Variants in SLC1A1 observed in about 807,000 individuals in gnomAD.
SLC1A1 encodes the protein solute carrier family 1 member 1.
SLC1A1 carries 43 observed loss-of-function variants against 53.3 expected under a neutral mutation model. The observed-to-expected ratio is 0.81, with a 90% CI of 0.63 to 1.04. The LOEUF (loss-of-function observed/expected upper bound fraction) is 1.04. SLC1A1 is among the 50% of genes least tolerant of loss of function. The pLI is 0.00. For synonymous variants in SLC1A1, 307 were observed against 243.2 expected, an observed-to-expected ratio of 1.26 and a Z score of -2.44; for missense variants, 748 against 664.9, an observed-to-expected ratio of 1.12 and a Z score of -1.37.
intron 6 of SLC1A1, among the ~76,000 whole-genome samples, chr9:4,569,441 GT>G (rs1819815337): frequency 6.6e-6 from 1 of 152,158 alleles, no homozygotes; most frequent in Non-Finnish European, 1.5e-5. Flanking sequence ...TGCCAAAAGA[GT>G]TTGCTATAAA....
At chr9:4,505,071 C>G (rs1288158572) in intron 1 of SLC1A1, among the ~76,000 whole-genome samples, 1,006 of 91,756 alleles carry the variant, frequency 0.011, 15 homozygotes, top group African/African-American at 0.036. Context: ...TTTTGAGATA[C>G]AGCCTCACTA....
intron 10 of SLC1A1, 97 bp from the exon 11 acceptor site, chr9:4,582,941 A>G (rs1465027478): frequency 6.8e-7 from 1 of 1,474,418 alleles, no homozygotes; most frequent in African/African-American, 1.4e-5. Context: ...CACAGCAGTA[A>G]TAGCCATCGG....
At chr9:4,492,445 G>A (rs1442055385) in intron 1 of SLC1A1, among the ~76,000 whole-genome samples, 3 of 144,898 alleles carry the variant, frequency 2.1e-5, no homozygotes, top group Non-Finnish European at 3.0e-5. Flanking sequence ...TTGTGCCACT[G>A]CACTCCCGCC....
intron 2 of SLC1A1, among the ~76,000 whole-genome samples, chr9:4,544,988 A>G (rs1383959201): frequency 2.0e-5 from 3 of 152,214 alleles, no homozygotes; most frequent in African/African-American, 7.2e-5. Flanking sequence ...TCACGAGAAC[A>G]GCATGGGAGA....
At chr9:4,499,265 G>A (rs1388897250) in intron 1 of SLC1A1, among the ~76,000 whole-genome samples, 4 of 151,680 alleles carry the variant, frequency 2.6e-5, no homozygotes, top group Non-Finnish European at 4.4e-5. Context: ...GGCTGGTCTC[G>A]AACTCCTGAC....
intron 1 of SLC1A1, among the ~76,000 whole-genome samples, chr9:4,507,879 A>G (rs1820856740): frequency 6.6e-6 from 1 of 152,104 alleles, no homozygotes; most frequent in African/African-American, 2.4e-5. Flanking sequence ...ACACAGGGAG[A>G]TGGCTTCCTA....
intron 1 of SLC1A1, among the ~76,000 whole-genome samples, chr9:4,519,570 T>TCAA (rs1815993718): frequency 2.0e-5 from 3 of 152,342 alleles, no homozygotes; most frequent in Admixed American, 6.5e-5. Context: ...TTGTTATTAT[T>TCAA]CAATCATAAA....
intron 8 of SLC1A1, 73 bp downstream of exon 8, chr9:4,574,087 C>T: frequency 9.7e-7 from 1 of 1,032,366 alleles, no homozygotes. Context: ...GGTTGGGTTT[C>T]AGTTGGTTAA....
chr9:4,510,773 G>A (rs1266728247), intron 1 of SLC1A1, among the ~76,000 whole-genome samples: 1 of 152,198 alleles, frequency 6.6e-6, no homozygotes, highest in Non-Finnish European at 1.5e-5. Flanking sequence ...CTGAGTCAGA[G>A]CTCCATTCCT....
intron 1 of SLC1A1, among the ~76,000 whole-genome samples, chr9:4,520,120 G>C (rs550466795): frequency 6.6e-6 from 1 of 152,206 alleles, no homozygotes; most frequent in Non-Finnish European, 1.5e-5. Flanking sequence ...TCTTTAAATT[G>C]ATCATCATCT....
In SLC1A1 at chr9:4,549,215, C is replaced by T. The variant is rs1452718292; in HGVS notation, c.232+4508C>T. Among the ~76,000 whole-genome samples the T allele has an allele frequency of 6.6e-6, 1 of 152,162 alleles. No homozygotes were observed. The highest frequency in any genetic ancestry group is 1.5e-5 in the Non-Finnish European group (1 of 68,028). On this transcript the variant is annotated intron_variant, in intron 2 of 11. Coordinates refer to ENST00000262352, the MANE Select transcript of SLC1A1 (RefSeq NM_004170.6). This position sits in a 1 kb window ranked among gnomAD's most constrained non-coding sequence, Gnocchi z 4.1. ...CATAACTTTGCTCAGGAAGAGGTTG[C>T]AGCTCTTCCACTTTAGCCTCTGCCA...
intron 1 of SLC1A1, among the ~76,000 whole-genome samples, chr9:4,491,053 G>T (rs1464051886): frequency 2.0e-5 from 3 of 152,244 alleles, no homozygotes; most frequent in Non-Finnish European, 2.9e-5. Flanking sequence ...AGAAAGGGAA[G>T]CAAGTAGCTC....
At position 4,529,458 on chromosome 9, in the gene SLC1A1, T is replaced by C. The variant is rs1816386345; in HGVS notation, c.92-15109T>C. Reference sequence around the variant, plus strand: ...CTACTCTTTTGATGAAACTGTACTGTCTTCCATCCTTAAGGGCAGGGGACA... The same window carrying C: ...CTACTCTTTTGATGAAACTGTACTGCCTTCCATCCTTAAGGGCAGGGGACA... On this transcript the variant is annotated intron_variant, in intron 1 of 11. Coordinates refer to ENST00000262352, the MANE Select transcript of SLC1A1 (RefSeq NM_004170.6). Among the ~76,000 whole-genome samples, 4 of 152,212 alleles carry C rather than the reference T, an allele frequency of 2.6e-5. 1 individual carries two copies. The highest frequency in any genetic ancestry group is 2.6e-4 in the Admixed American group (4 of 15,282).
chr9:4,545,440 G>C (rs1181762609), intron 2 of SLC1A1, among the ~76,000 whole-genome samples: 1 of 152,182 alleles, frequency 6.6e-6, no homozygotes, highest in Non-Finnish European at 1.5e-5. Context: ...TTTGGTCACT[G>C]AAATGTCAGC....
chr9:4,583,882 T>TCTCTCTCTCTCTCTCTCACA lies in SLC1A1; in HGVS notation c.1328+711_1328+712insTCTCTCTCTCTCTCTCACAC, dbSNP rs1423949414. Among the ~76,000 whole-genome samples the TCTCTCTCTCTCTCTCTCACA allele has an allele frequency of 7.3e-6, 1 of 136,966 alleles. No homozygotes were observed. The highest frequency in any genetic ancestry group is 2.8e-5 in the African/African-American group (1 of 35,264). The allele number at this position is 136,966 out of a possible 152,430, so 89.9% of individuals were successfully genotyped here. On this transcript the variant is annotated intron_variant, in intron 11 of 11. Coordinates refer to ENST00000262352, the MANE Select transcript of SLC1A1 (RefSeq NM_004170.6). This position sits in a 1 kb window ranked among gnomAD's most constrained non-coding sequence, Gnocchi z 4.6. ...CTCTCTCTCTCTCTCTCTCTCTCTC[T>TCTCTCTCTCTCTCTCTCACA]CACACACACACACACACACACACAC...
rs185497521 is a variant in SLC1A1 at position 4,577,557 on chromosome 9, C to T, written c.1193+794C>T. Among the ~76,000 whole-genome samples, 263 of 152,254 alleles carry T rather than the reference C, an allele frequency of 1.7e-3. 1 individual carries two copies. The highest frequency in any genetic ancestry group is 7.2e-4 in the Non-Finnish European group (49 of 68,012). ...GTGGCACAATCTCGGCTCACCACAA[C>T]CTCCGCCTCCAGGGTTCAAGCAATT... On this transcript the variant is annotated intron_variant, in intron 10 of 11. Coordinates refer to ENST00000262352, the MANE Select transcript of SLC1A1 (RefSeq NM_004170.6).
At chr9:4,566,698 A>T (rs72694025) in intron 5 of SLC1A1, among the ~76,000 whole-genome samples, 34,108 of 148,754 alleles carry the variant, frequency 0.23, 4,463 homozygotes, top group East Asian at 0.4. Context: ...GAAATAATTT[A>T]AAAAAAAATA....
At position 4,529,399 on chromosome 9, in the gene SLC1A1, G is replaced by A. The variant is rs556538635; in HGVS notation, c.92-15168G>A. On this transcript the variant is annotated intron_variant, in intron 1 of 11. Transcript: ENST00000262352. ...CTTTAAGCCTTTGCAGTAGTCTTAC[G>A]AATTCATACTCGTCCTTTCCCAGAC... 1.2e-4 allele frequency among the ~76,000 whole-genome samples: 19 copies of A among 152,236 alleles called. No individual in the cohort carries two copies. The South Asian group carries it at 3.7e-3, about 30-fold the overall frequency.
chr9:4,577,454 T>G (rs1287172010), intron 10 of SLC1A1, among the ~76,000 whole-genome samples: 1 of 152,192 alleles, frequency 6.6e-6, no homozygotes, highest in East Asian at 1.9e-4. Context: ...CTTTGTCATA[T>G]TATGGACAGA....
Sources: allele counts gnomAD v4.1 joint callset (sites outside exome capture counted in the v4.1 genomes callset), GRCh38; gene constraint gnomAD v4.1.1; non-coding constraint Gnocchi (gnomAD v3.1); transcripts MANE v1.5; gene names NCBI Gene and HGNC (gene_info 2026-07-23, HGNC 2026-07-21).